Variants in UPB1 observed in about 807,000 individuals in gnomAD.
The protein encoded by UPB1 is beta-ureidopropionase 1, also known as beta-ureidopropionase.
UPB1 carries 40 observed loss-of-function variants against 49.1 expected under a neutral mutation model. The observed-to-expected ratio is 0.81, with a 90% CI of 0.63 to 1.06. The LOEUF (loss-of-function observed/expected upper bound fraction) is 1.06. Among genes scored for constraint, UPB1 ranks in the 50% least tolerant of loss-of-function variants. The pLI is 0.00. For synonymous variants in UPB1, 207 were observed against 198.2 expected (o/e 1.04, Z -0.38); for missense variants, 499 against 505.9 (o/e 0.99, Z 0.13).
intron 3 of UPB1, among the ~76,000 whole-genome samples, chr22:24,508,157 G>A (rs2044126080): frequency 6.6e-6 from 1 of 152,160 alleles, no homozygotes; most frequent in Non-Finnish European, 1.5e-5. Context: ...GTTAAACACT[G>A]CCCCATCACA....
intron 5 of UPB1, among the ~76,000 whole-genome samples, chr22:24,514,765 T>G (rs2044264042): frequency 6.6e-6 from 1 of 152,192 alleles, no homozygotes; most frequent in Non-Finnish European, 1.5e-5. Flanking sequence ...AGCTTTCTCC[T>G]CTGACCAGGG....
chr22:24,497,155 G>A (rs1464623334), intron 1 of UPB1, among the ~76,000 whole-genome samples: 3 of 152,132 alleles, frequency 2.0e-5, no homozygotes, highest in Non-Finnish European at 4.4e-5. Context: ...CAAGCTATGT[G>A]TATTAAGTGA....
At chr22:24,501,400 T>C (rs1028129641) in intron 2 of UPB1, among the ~76,000 whole-genome samples, 5 of 152,228 alleles carry the variant, frequency 3.3e-5, no homozygotes, top group African/African-American at 1.2e-4. Flanking sequence ...ATGAGGATGC[T>C]TTCTTCCTAT....
intron 3 of UPB1, among the ~76,000 whole-genome samples, chr22:24,504,438 C>T (rs1208014055): frequency 1.3e-5 from 2 of 152,104 alleles, no homozygotes. Context: ...TAATTTGTGA[C>T]CCATTGTCTA....
In UPB1 at chr22:24,500,230, G is replaced by A; in HGVS notation, c.228G>A (p.Leu76=). Residue 76 remains leucine (L), a synonymous_variant, in exon 2 of 10, where the codon CTG becomes CTA. Coordinates refer to ENST00000326010, the MANE Select transcript of UPB1 (RefSeq NM_016327.3). ...LRRPRIVHVG[L]VQNRIPLPAN... is the part of the protein sequence containing the mutation. The stretch of plus-strand genomic sequence containing the variant: ...GACCCCGCATTGTGCACGTGGGGCT[G>A]GTTCAGAACAGAATCCCCCTCCCCG... 6.2e-7 allele frequency: 1 copy of A among 1,614,220 alleles called. No homozygotes were observed. The highest frequency in any genetic ancestry group is 1.1e-5 in the South Asian group (1 of 91,086).
At chr22:24,510,651 CTG>C (rs371890121) in intron 3 of UPB1, 96 bp from the exon 4 acceptor site, 22 of 1,282,926 alleles carry the variant, frequency 1.7e-5, no homozygotes, top group South Asian at 1.6e-4. Flanking sequence ...ACTCCTGAGA[CTG>C]TATTCTTTTG....
intron 3 of UPB1, among the ~76,000 whole-genome samples, chr22:24,508,351 G>A (rs1022895850): frequency 1.3e-5 from 2 of 152,204 alleles, no homozygotes; most frequent in Non-Finnish European, 2.9e-5. Context: ...CTGAGGTCAG[G>A]AGTTCGAAAC....
chr22:24,500,360 C>A (rs149064700), intron 2 of UPB1, 82 bp downstream of exon 2: 1 of 1,589,026 alleles, frequency 6.3e-7, no homozygotes, highest in Non-Finnish European at 8.6e-7. Context: ...CCTGGCTGGC[C>A]GCATACTCCG....
intron 3 of UPB1, among the ~76,000 whole-genome samples, chr22:24,504,376 G>T (rs1034185397): frequency 6.6e-6 from 1 of 152,198 alleles, no homozygotes; most frequent in Non-Finnish European, 1.5e-5. Context: ...TGAACACATT[G>T]TTCCATTGTC....
chr22:24,495,386 C>T lies in UPB1; in HGVS notation c.-18C>T. 1 of 1,612,154 alleles carries T rather than the reference C, an allele frequency of 6.2e-7. No homozygotes were observed. Among genetic ancestry groups the T allele is most frequent in the South Asian group, 1.1e-5 (1 of 91,074 alleles). Reference sequence around the variant, plus strand: ...CAGGCAGTTCGTGCGCGGACACAAGCACTGGCGGACCGTGGCCATGGCGGG... The same window carrying T: ...CAGGCAGTTCGTGCGCGGACACAAGTACTGGCGGACCGTGGCCATGGCGGG... On this transcript the variant is annotated 5_prime_UTR_variant, in exon 1 of 10. Coordinates refer to ENST00000326010, the MANE Select transcript of UPB1 (RefSeq NM_016327.3).
chr22:24,523,834 A>G, intron 9 of UPB1, 61 bp downstream of exon 9: 1 of 1,611,112 alleles, frequency 6.2e-7, no homozygotes, highest in Non-Finnish European at 8.5e-7. Flanking sequence ...TCCTGCTCTC[A>G]GGAACTGCTG....
chr22:24,508,625 C>T (rs1450533490), intron 3 of UPB1, among the ~76,000 whole-genome samples: 3 of 151,276 alleles, frequency 2.0e-5, no homozygotes, highest in African/African-American at 7.3e-5. Context: ...TGTCTGTAAT[C>T]CCAGCACTTT....
At position 24,526,890 on chromosome 22, in the gene UPB1, C is replaced by T. The variant is rs558384229; in HGVS notation, c.*1096C>T. On this transcript the variant is annotated 3_prime_UTR_variant, in exon 10 of 10. Coordinates refer to ENST00000326010, the MANE Select transcript of UPB1 (RefSeq NM_016327.3). ...TTCTGATGGCTTGTCCTGTGGATAT[C>T]AGACTTGCCTGACCAGATTCCATCA... 6 of 152,342 alleles carry T rather than the reference C, an allele frequency of 3.9e-5. No homozygotes were observed. Among genetic ancestry groups the T allele is most frequent in the Non-Finnish European group, 8.8e-5 (6 of 68,034 alleles). 9.4% of individuals were successfully genotyped at this position (152,342 alleles called of 1,614,324 possible). A position where few individuals can be genotyped will look rare whatever the true frequency, so the allele number is the denominator to read the frequency against.
Position 24,500,136 on chromosome 22 carries a change from A to C in UPB1, c.134A>C (p.Glu45Ala). The C allele has an allele frequency of 6.2e-7, 1 of 1,614,224 alleles. No individual in the cohort carries two copies. Among genetic ancestry groups the C allele is most frequent in the South Asian group, 1.1e-5 (1 of 91,086 alleles). The change falls in exon 2 of 10, where the codon GAA becomes GCA. Residue 45 changes from glutamate (E) to alanine (A), a missense_variant. Glu to Ala is a moderately radical substitution (Grantham distance 107). Transcript: ENST00000326010. ...RKLDLPREAF[E>A]AASREDFELQ... ...CTTGATCTGCCCAGGGAAGCTTTCGAAGCTGCCTCCAGAGAAGACTTTGAA... is the reference window on the plus strand; with the variant it reads ...CTTGATCTGCCCAGGGAAGCTTTCGCAGCTGCCTCCAGAGAAGACTTTGAA...
At chr22:24,525,685 A>G (rs761407243) in intron 9 of UPB1, 26 bp from the exon 10 acceptor site, 3 of 1,613,938 alleles carry the variant, frequency 1.9e-6, no homozygotes, top group East Asian at 2.2e-5. Context: ...CAGAACCTCT[A>G]AAGTACATCT....
chr22:24,502,877 C>T lies in UPB1; in HGVS notation c.364+664C>T, dbSNP rs182264556. The T allele has an allele frequency of 8.5e-5, 19 of 222,750 alleles. No homozygotes were observed. The East Asian group carries it at 2.0e-3, about 23-fold the overall frequency. 13.8% of individuals were successfully genotyped at this position (222,750 alleles called of 1,614,324 possible). On this transcript the variant is annotated intron_variant, in intron 3 of 9. Transcript: ENST00000326010. The stretch of plus-strand genomic sequence containing the variant: ...GTGTCCTTGTTCTATCCCCCCAGCC[C>T]ATTTTGTCAACTTTGATTCCTTTTC...
chr22:24,510,810 AGAGG>A lies in UPB1; in HGVS notation c.427_430del (p.Glu143MetfsTer40). The A allele has an allele frequency of 6.2e-7, 1 of 1,614,222 alleles. No individual in the cohort carries two copies. Among genetic ancestry groups the A allele is most frequent in the South Asian group, 1.1e-5 (1 of 91,086 alleles). On this transcript the variant is annotated frameshift_variant, in exon 4 of 10. Coordinates refer to ENST00000326010, the MANE Select transcript of UPB1 (RefSeq NM_016327.3). LOFTEE classifies it high-confidence loss of function. ...CTTGGACAGAATTTGCTGAGTCAGC[AGAGG>A]ATGGGCCCACCACCAGATTCTGTCA... is the stretch of plus-strand genomic sequence containing the variant.
At chr22:24,515,054 G>C (rs1442422085) in intron 5 of UPB1, 147 bp from the exon 6 acceptor site, 3 of 1,081,206 alleles carry the variant, frequency 2.8e-6, no homozygotes, top group Non-Finnish European at 4.1e-6. Flanking sequence ...TGTGTGTTTT[G>C]TTTTTATCAT....
At chr22:24,502,029 A>AG in intron 2 of UPB1, 97 bp from the exon 3 acceptor site, 2 of 1,235,926 alleles carry the variant, frequency 1.6e-6, no homozygotes, top group Non-Finnish European at 2.4e-6. Flanking sequence ...ATACCTGCCC[A>AG]GGTGGGCATT....
Sources: allele counts gnomAD v4.1 joint callset (sites outside exome capture counted in the v4.1 genomes callset), GRCh38; gene constraint gnomAD v4.1.1; transcripts MANE v1.5; gene names NCBI Gene and HGNC (gene_info 2026-07-23, HGNC 2026-07-21).